The following MAPK1IP1L variants were observed in gnomAD, a reference collection of about 807,000 sequenced individuals.
MAPK1IP1L encodes the protein MAPK-interacting and spindle-stabilizing protein-like.
Under a neutral mutation model 18.1 loss-of-function variants are expected in MAPK1IP1L, and 10 were observed. That is an observed-to-expected ratio of 0.55 (90% CI 0.34 to 0.94). The LOEUF (loss-of-function observed/expected upper bound fraction) is 0.94. Among genes scored for constraint, MAPK1IP1L ranks in the 40% least tolerant of loss-of-function variants. The probability of loss-of-function intolerance (pLI) is 0.02; values close to 1 mark genes in which losing one functional copy is unlikely to be tolerated. For missense variants in MAPK1IP1L, 260 were observed against 318.2 expected, an observed-to-expected ratio of 0.82 and a Z score of 1.39; for synonymous variants, 115 against 117.3, an observed-to-expected ratio of 0.98 and a Z score of 0.13.
At chr14:55,052,876 T>C (rs1278544667) in intron 1 of MAPK1IP1L, among the ~76,000 whole-genome samples, 1 of 152,236 alleles carries the variant, frequency 6.6e-6, no homozygotes, top group African/African-American at 2.4e-5. Context: ...CCCAGTCTCT[T>C]AACTGAAACT....
At chr14:55,057,169 G>A (rs975162972) in intron 1 of MAPK1IP1L, among the ~76,000 whole-genome samples, 1 of 152,206 alleles carries the variant, frequency 6.6e-6, no homozygotes, top group Non-Finnish European at 1.5e-5. Context: ...GAGAGTTGGA[G>A]CAAGACCTCT....
At position 55,063,248 on chromosome 14, in the gene MAPK1IP1L, C is replaced by G; in HGVS notation, c.649C>G (p.Leu217Val). 1.9e-6 allele frequency: 3 copies of G among 1,614,202 alleles called. No individual in the cohort carries two copies. The highest frequency in any genetic ancestry group is 1.7e-6 in the Non-Finnish European group (2 of 1,180,038). ...TACAGGATCGTATCCCACACCAGGA[C>G]TCTATCCTACTCCCAGTAATCCTTT... ...APTGSYPTPG[L>V]YPTPSNPFQV... Residue 217 changes from leucine to valine, a missense_variant, in exon 3 of 4, where the codon CTC becomes GTC. Leu to Val is a conservative substitution (Grantham distance 32). Coordinates refer to ENST00000395468, the MANE Select transcript of MAPK1IP1L (RefSeq NM_144578.4).
chr14:55,061,599 G>A lies in MAPK1IP1L; in HGVS notation c.-4-81G>A, dbSNP rs141012466. The A allele has an allele frequency of 2.6e-3, 2,521 of 973,238 alleles. 66 individuals are homozygous for A. The Admixed American group carries it at 0.049, about 19-fold the overall frequency. 60.3% of individuals were successfully genotyped at this position (973,238 alleles called of 1,614,324 possible). On this transcript the variant is annotated intron_variant, in intron 1 of 3. Coordinates refer to ENST00000395468, the MANE Select transcript of MAPK1IP1L (RefSeq NM_144578.4). ...AGTAATAATAATGTATGCATAGAAA[G>A]TTCCTTAAGGAATATTTAAGAAATG... is the stretch of plus-strand genomic sequence containing the variant.
chr14:55,056,849 G>T (rs372347159), intron 1 of MAPK1IP1L, among the ~76,000 whole-genome samples: 4 of 152,206 alleles, frequency 2.6e-5, no homozygotes, highest in South Asian at 4.2e-4. Flanking sequence ...ATAGCAGTTG[G>T]GATAGGCTTG....
At chr14:55,057,663 C>G (rs1272245776) in intron 1 of MAPK1IP1L, among the ~76,000 whole-genome samples, 1 of 151,094 alleles carries the variant, frequency 6.6e-6, no homozygotes, top group Non-Finnish European at 1.5e-5. Flanking sequence ...GACTGAGGCA[C>G]GAGAATCGCT....
At chr14:55,052,924 A>G (rs2042742253) in intron 1 of MAPK1IP1L, among the ~76,000 whole-genome samples, 1 of 152,184 alleles carries the variant, frequency 6.6e-6, no homozygotes, top group South Asian at 2.1e-4. Flanking sequence ...AAATACTTGG[A>G]TTTTATCTTC....
intron 2 of MAPK1IP1L, among the ~76,000 whole-genome samples, chr14:55,062,416 T>C (rs958672007): frequency 1.3e-5 from 2 of 152,226 alleles, no homozygotes; most frequent in Non-Finnish European, 2.9e-5. Flanking sequence ...CTGAAGAATT[T>C]GCACTGTAAA....
intron 1 of MAPK1IP1L, among the ~76,000 whole-genome samples, chr14:55,052,329 G>T (rs183151328): frequency 6.6e-6 from 1 of 152,274 alleles, no homozygotes; most frequent in East Asian, 1.9e-4. Flanking sequence ...AGAGTCTCGG[G>T]CGCTTGTTAA....
chr14:55,061,665 CTTTTCTTTTT>C lies in MAPK1IP1L; in HGVS notation c.-4-12_-4-3del, dbSNP rs762492305. On this transcript the variant is annotated splice_region_variant and splice_polypyrimidine_tract_variant and intron_variant, in intron 1 of 3. Coordinates refer to ENST00000395468, the MANE Select transcript of MAPK1IP1L (RefSeq NM_144578.4). ...GAAATTTTTCTTTCTTCCTTCATTT[CTTTTCTTTTT>C]TTAGGAAAATGTCTGATGAATTTTC... The C allele has an allele frequency of 1.3e-6, 2 of 1,544,308 alleles. No individual in the cohort carries two copies.
chr14:55,065,839 A>G lies in MAPK1IP1L; in HGVS notation c.*1212A>G, dbSNP rs997053286. On this transcript the variant is annotated 3_prime_UTR_variant, in exon 4 of 4. Coordinates refer to ENST00000395468, the MANE Select transcript of MAPK1IP1L (RefSeq NM_144578.4). ...CAGTTCTGTATTTGTTGACAGGTAA[A>G]TAAGTGGAGTTGAGTGCCATCTTTG... 3.3e-5 allele frequency: 5 copies of G among 152,348 alleles called. No individual in the cohort carries two copies. The East Asian group carries it at 9.6e-4, about 29-fold the overall frequency. The allele number at this position is 152,348 out of a possible 1,614,324, so 9.4% of individuals were successfully genotyped here.
At chr14:55,054,408 G>A (rs931692051) in intron 1 of MAPK1IP1L, among the ~76,000 whole-genome samples, 2 of 151,922 alleles carry the variant, frequency 1.3e-5, no homozygotes, top group African/African-American at 2.4e-5. Context: ...CTCCCAAAGT[G>A]CTGCGATTAC....
At position 55,067,064 on chromosome 14, in the gene MAPK1IP1L, A is replaced by ATTTTTT. The variant is rs757107829; in HGVS notation, c.*2453_*2458dup. The ATTTTTT allele has an allele frequency of 3.9e-5, 5 of 128,290 alleles. No homozygotes were observed. Among genetic ancestry groups the ATTTTTT allele is most frequent in the African/African-American group, 1.5e-4 (5 of 34,298 alleles). 7.9% of individuals were successfully genotyped at this position (128,290 alleles called of 1,614,324 possible). A position where few individuals can be genotyped will look rare whatever the true frequency, so the allele number is the denominator to read the frequency against. ...AGGTGCCCGCCACCATGCCCGGCTA[A>ATTTTTT]TTTTTTTTTTTTTTTTTTTTTAGTA... On this transcript the variant is annotated 3_prime_UTR_variant, in exon 4 of 4. Transcript: ENST00000395468.
chr14:55,059,225 G>GAAAAAAAAAAAAAAAAAAAGAAAAATCT (rs2042795688), intron 1 of MAPK1IP1L, among the ~76,000 whole-genome samples: 3 of 63,280 alleles, frequency 4.7e-5, no homozygotes, highest in Non-Finnish European at 6.1e-5. Flanking sequence ...AGGAAAATCT[G>GAAAAAAAAAAAAAAAAAAAGAAAAATCT]AAAAAAAAAA....
intron 2 of MAPK1IP1L, among the ~76,000 whole-genome samples, chr14:55,062,094 A>G (rs1243262498): frequency 6.6e-6 from 1 of 152,206 alleles, no homozygotes; most frequent in South Asian, 2.1e-4. Context: ...AAAATTTAAG[A>G]TGTTACTTCT....
chr14:55,059,228 A>G (rs1269124874), intron 1 of MAPK1IP1L, among the ~76,000 whole-genome samples: 1 of 141,508 alleles, frequency 7.1e-6, no homozygotes, highest in Non-Finnish European at 1.5e-5. Context: ...AAAATCTGAA[A>G]AAAAAAAAAA....
In MAPK1IP1L at chr14:55,063,169, A is replaced by G. The variant is rs749459178; in HGVS notation, c.570A>G (p.Pro190=). 1 of 1,614,040 alleles carries G rather than the reference A, an allele frequency of 6.2e-7. No individual in the cohort carries two copies. The highest frequency in any genetic ancestry group is 1.1e-5 in the South Asian group (1 of 91,070). The change falls in exon 3 of 4, where the codon CCA becomes CCG. Residue 190 remains proline, a synonymous_variant. Coordinates refer to ENST00000395468, the MANE Select transcript of MAPK1IP1L (RefSeq NM_144578.4). ...PQAPGAAPPV[P]WGTVPPGAWG... ...CCCCTGGGGCAGCACCACCTGTTCC[A>G]TGGGGCACCGTTCCACCAGGAGCCT...
At chr14:55,057,480 T>C (rs1379315659) in intron 1 of MAPK1IP1L, among the ~76,000 whole-genome samples, 1 of 152,072 alleles carries the variant, frequency 6.6e-6, no homozygotes, top group South Asian at 2.1e-4. Flanking sequence ...TTAAATGAGC[T>C]GGGCGCAGTG....
intron 2 of MAPK1IP1L, among the ~76,000 whole-genome samples, chr14:55,062,036 G>T (rs1034436781): frequency 1.3e-5 from 2 of 152,206 alleles, no homozygotes; most frequent in Admixed American, 1.3e-4. Flanking sequence ...ATAATAGCAT[G>T]TTTGGAAATG....
intron 1 of MAPK1IP1L, among the ~76,000 whole-genome samples, chr14:55,059,122 C>A: frequency 6.7e-6 from 1 of 150,022 alleles, no homozygotes. Flanking sequence ...ATAGATGTTC[C>A]CCTAGATTAA....
Sources: gnomAD v4.1 joint callset for allele counts (sites outside exome capture counted in the v4.1 genomes callset) on GRCh38, gnomAD v4.1.1 for gene constraint, MANE v1.5 for transcripts, NCBI Gene and HGNC (gene_info 2026-07-23, HGNC 2026-07-21) for gene names.